Variants in LRBA observed in about 807,000 individuals in gnomAD.
LRBA encodes lipopolysaccharide-responsive and beige-like anchor protein.
Under a neutral mutation model 330.0 loss-of-function variants are expected in LRBA, and 176 were observed. That is an observed-to-expected ratio of 0.53 (90% CI 0.47 to 0.60). LRBA has a LOEUF of 0.60. Ranked by LOEUF, LRBA falls within the 20% of genes least tolerant of loss-of-function variation. LRBA has a pLI of 0.00. For missense variants in LRBA, 3,259 were observed against 3,444.8 expected (o/e 0.95, Z 1.35); for synonymous variants, 1,230 against 1,193.0 (o/e 1.03, Z -0.64).
At chr4:150,842,717 C>G (rs946375483) in intron 28 of LRBA, among the ~76,000 whole-genome samples, 4 of 152,164 alleles carry the variant, frequency 2.6e-5, no homozygotes, top group South Asian at 2.1e-4. Flanking sequence ...ATCAGATTCC[C>G]TAAGTCCTAA....
intron 2 of LRBA, among the ~76,000 whole-genome samples, chr4:151,009,026 TAA>T (rs61677675): frequency 0.27 from 3,176 of 11,820 alleles, 607 homozygotes; most frequent in Non-Finnish European, 0.4. Context: ...TATATATATA[TAA>T]AATGGTATTT....
rs1295717209 is a variant in LRBA at position 150,467,703 on chromosome 4, G to C, written c.6750C>G (p.Thr2250=). 6.2e-7 allele frequency: 1 copy of C among 1,605,116 alleles called. No individual in the cohort carries two copies. The highest frequency in any genetic ancestry group is 1.7e-5 in the Admixed American group (1 of 59,630). The change falls in exon 44 of 57, where the codon ACC becomes ACG. Residue 2250 remains threonine, a synonymous_variant. Transcript: ENST00000651943. ...TNYESEELDL[T]LPTNFRDLSK... is the part of the protein sequence containing the mutation. The stretch of plus-strand genomic sequence containing the variant: ...ACAAATCTCTGAAGTTGGTGGGCAA[G>C]GTAAGATCCAGTTCTTCTGATTCAT...
chr4:150,398,306 T>C (rs1005542764), intron 47 of LRBA, among the ~76,000 whole-genome samples: 4 of 152,202 alleles, frequency 2.6e-5, no homozygotes, highest in East Asian at 3.8e-4. Context: ...AGAAAAATAC[T>C]GTGGAGCCCA....
chr4:150,583,887 A>G lies in LRBA; in HGVS notation c.6330+4161T>C. On this transcript the variant is annotated intron_variant, in intron 40 of 56. Coordinates refer to ENST00000651943, the MANE Select transcript of LRBA (RefSeq NM_001364905.1). The surrounding 1 kb of genome is among the most constrained non-coding windows in gnomAD (Gnocchi z 9.8). ...TGCTGTACGAGTGCGAGAAACACCC[A>G]CGAGAAACGGACTGGGACGAGTCGT... 6.2e-7 allele frequency: 1 copy of G among 1,613,182 alleles called. No homozygotes were observed. The highest frequency in any genetic ancestry group is 8.5e-7 in the Non-Finnish European group (1 of 1,179,558).
At chr4:150,635,286 C>G (rs1237625018) in intron 37 of LRBA, among the ~76,000 whole-genome samples, 1 of 152,200 alleles carries the variant, frequency 6.6e-6, no homozygotes, top group African/African-American at 2.4e-5. Flanking sequence ...TACCAAATCT[C>G]AACTCTTTAC....
Position 151,012,100 on chromosome 4 carries a change from T to A in LRBA, c.216+2327A>T, listed in dbSNP as rs1350513405. ...TCTCAGCAACTTTTCCTGCCCTACC[T>A]GACAAGCGAATGATATTGAAGAGGA... On this transcript the variant is annotated intron_variant, in intron 2 of 56. Transcript: ENST00000651943. Among the ~76,000 whole-genome samples the A allele has an allele frequency of 2.0e-5, 3 of 152,180 alleles. No individual in the cohort carries two copies. In the East Asian group the frequency reaches 5.8e-4, roughly 29 times the overall value.
chr4:150,831,900 C>A lies in LRBA; in HGVS notation c.4646G>T (p.Arg1549Ile). 1 of 1,604,620 alleles carries A rather than the reference C, an allele frequency of 6.2e-7. No individual in the cohort carries two copies. Among genetic ancestry groups the A allele is most frequent in the Non-Finnish European group, 8.5e-7 (1 of 1,175,146 alleles). Reference sequence around the variant, plus strand: ...TTCATTTTGGGGTTCCAAAATGTCTCTGTACTTGGAGACCATAAGAACAGA... The same window carrying A: ...TTCATTTTGGGGTTCCAAAATGTCTATGTACTTGGAGACCATAAGAACAGA... ...FISVLMVSKY[R>I]DILEPQNERH... Residue 1549 changes from arginine to isoleucine, a missense_variant, in exon 29 of 57, where the codon AGA (arginine) becomes ATA (isoleucine). Transcript: ENST00000651943.
Position 150,982,755 on chromosome 4 carries a change from C to T in LRBA, c.216+31672G>A, listed in dbSNP as rs1160335780. 2.6e-5 allele frequency among the ~76,000 whole-genome samples: 4 copies of T among 152,202 alleles called. No homozygotes were observed. In the East Asian group the frequency reaches 7.7e-4, roughly 29 times the overall value. On this transcript the variant is annotated intron_variant, in intron 2 of 56. Transcript: ENST00000651943. ...GAGGACAACAAGTAAACAAAGAAGC[C>T]ACAGAATGTAGGGCAATGCTTATCA...
intron 31 of LRBA, among the ~76,000 whole-genome samples, chr4:150,811,447 G>A (rs983821964): frequency 1.9e-4 from 29 of 150,632 alleles, no homozygotes; most frequent in African/African-American, 5.8e-4. Flanking sequence ...AAAAGGGGGT[G>A]TGCATGAGGC....
At chr4:150,751,242 T>C (rs1024105292) in intron 35 of LRBA, among the ~76,000 whole-genome samples, 5 of 152,154 alleles carry the variant, frequency 3.3e-5, no homozygotes, top group Admixed American at 3.3e-4. Context: ...TATTTAATAA[T>C]ACTTTCAGAG....
chr4:150,886,167 A>T (rs1728915804), intron 17 of LRBA, among the ~76,000 whole-genome samples: 1 of 152,212 alleles, frequency 6.6e-6, no homozygotes, highest in Non-Finnish European at 1.5e-5. Context: ...TGCATTGTGT[A>T]GGGGAGTTAA....
At chr4:150,269,467 A>ATAT (rs2126700752) in intron 56 of LRBA, among the ~76,000 whole-genome samples, 1 of 152,340 alleles carries the variant, frequency 6.6e-6, no homozygotes, top group South Asian at 2.1e-4. Flanking sequence ...ACCTACCATT[A>ATAT]TATTAAAAAA....
At chr4:150,445,565 A>C (rs1752522920) in intron 44 of LRBA, among the ~76,000 whole-genome samples, 1 of 151,962 alleles carries the variant, frequency 6.6e-6, no homozygotes, top group Non-Finnish European at 1.5e-5. Context: ...TATAAAAAGC[A>C]AGGAGGATTC....
At chr4:150,532,767 A>C (rs1475578575) in intron 40 of LRBA, among the ~76,000 whole-genome samples, 1 of 152,178 alleles carries the variant, frequency 6.6e-6, no homozygotes, top group Non-Finnish European at 1.5e-5. Context: ...AATCACTGAA[A>C]GAAATTAAAT....
chr4:150,745,817 A>G (rs1732635378), intron 35 of LRBA, among the ~76,000 whole-genome samples: 1 of 152,056 alleles, frequency 6.6e-6, no homozygotes, highest in Non-Finnish European at 1.5e-5. Flanking sequence ...CCCAGCCGAG[A>G]AAAAATCTTG....
At chr4:150,958,869 C>A (rs1737836545) in intron 2 of LRBA, among the ~76,000 whole-genome samples, 1 of 149,286 alleles carries the variant, frequency 6.7e-6, no homozygotes, top group South Asian at 2.1e-4. Flanking sequence ...ATTTCACCAT[C>A]AGCATCTTGG....
intron 2 of LRBA, among the ~76,000 whole-genome samples, chr4:151,006,171 G>A (rs1052670614): frequency 2.0e-5 from 3 of 151,956 alleles, no homozygotes; most frequent in African/African-American, 4.8e-5. Flanking sequence ...GCGAAACCCC[G>A]TCTCTACTAA....
intron 47 of LRBA, among the ~76,000 whole-genome samples, chr4:150,396,429 G>A (rs1744739062): frequency 6.6e-6 from 1 of 151,260 alleles, no homozygotes. Flanking sequence ...ATACTGTGGT[G>A]CTTCTCAGCC....
At chr4:150,604,632 TG>T in intron 37 of LRBA, among the ~76,000 whole-genome samples, 1 of 152,148 alleles carries the variant, frequency 6.6e-6, no homozygotes, top group East Asian at 1.9e-4. Context: ...AAAAAGTATG[TG>T]TAACAGAACA....
Sources: allele counts gnomAD v4.1 joint callset (sites outside exome capture counted in the v4.1 genomes callset), GRCh38; gene constraint gnomAD v4.1.1; non-coding constraint Gnocchi (gnomAD v3.1); transcripts MANE v1.5; gene names NCBI Gene and HGNC (gene_info 2026-07-23, HGNC 2026-07-21).